SH3GLB2: variants seen among roughly 807,000 people sequenced by gnomAD.
The protein encoded by SH3GLB2 is endophilin-B2.
A neutral mutation model predicts 48.0 loss-of-function variants in SH3GLB2; 24 were observed. The observed-to-expected ratio is 0.50, with a 90% CI of 0.36 to 0.70. The LOEUF (loss-of-function observed/expected upper bound fraction) is 0.70, where lower values mean the gene tolerates loss of function less well. SH3GLB2 is among the 30% of genes least tolerant of loss of function. SH3GLB2 has a pLI of 0.00. For missense variants in SH3GLB2, 425 were observed against 516.0 expected, an observed-to-expected ratio of 0.82 and a Z score of 1.71; for synonymous variants, 227 against 207.6, an observed-to-expected ratio of 1.09 and a Z score of -0.80.
chr9:129,007,047 G>A lies in SH3GLB2; in HGVS notation c.*1637C>T, dbSNP rs1368653263. 5.2e-6 allele frequency: 1 copy of A among 192,134 alleles called. No homozygotes were observed. Among genetic ancestry groups the A allele is most frequent in the African/African-American group, 2.3e-5 (1 of 42,698 alleles). 11.9% of individuals were successfully genotyped at this position (192,134 alleles called of 1,614,324 possible). A position where few individuals can be genotyped will look rare whatever the true frequency, so the allele number is the denominator to read the frequency against. On this transcript the variant is annotated 3_prime_UTR_variant, in exon 11 of 11. Transcript: ENST00000372564. ...TTCCACACTCTGTCTTTGCAGTTTT[G>A]GTAATTCTGTGGTCTATTTATACAG...
intron 1 of SH3GLB2, among the ~76,000 whole-genome samples, chr9:129,027,597 TC>T (rs1160144847): frequency 6.6e-6 from 1 of 152,170 alleles, no homozygotes; most frequent in East Asian, 1.9e-4. Context: ...ACTCCTGGCT[TC>T]CGGCCTGACT....
At chr9:129,013,711 C>T (rs777575701) in intron 5 of SH3GLB2, 14 of 203,964 alleles carry the variant, frequency 6.9e-5, no homozygotes, top group Non-Finnish European at 1.3e-4. Context: ...TAGGCCTGGG[C>T]CTGGGAGTTC....
chr9:129,009,983 G>A, intron 8 of SH3GLB2, 112 bp from the exon 9 acceptor site: 5 of 1,350,874 alleles, frequency 3.7e-6, no homozygotes, highest in Non-Finnish European at 5.2e-6. Flanking sequence ...AGGGTGCCCT[G>A]CCCCTGCGCC....
At chr9:129,020,664 G>A (rs1029645448) in intron 3 of SH3GLB2, among the ~76,000 whole-genome samples, 9 of 151,440 alleles carry the variant, frequency 5.9e-5, no homozygotes, top group South Asian at 2.1e-4. Context: ...TCAGGAGATC[G>A]AGACCATCCT....
intron 6 of SH3GLB2, 149 bp downstream of exon 6, chr9:129,012,087 C>T (rs954105777): frequency 5.1e-5 from 23 of 449,602 alleles, no homozygotes; most frequent in African/African-American, 4.0e-4. Context: ...GCTGCTGCCC[C>T]TCCCCAGTGT....
intron 3 of SH3GLB2, chr9:129,015,623 CG>C (rs1843375245): frequency 6.4e-6 from 1 of 155,444 alleles, no homozygotes; most frequent in African/African-American, 2.4e-5. Context: ...TCAGCACCTA[CG>C]GGGCACTGTC....
intron 5 of SH3GLB2, chr9:129,013,088 G>T (rs1843218908): frequency 3.9e-6 from 6 of 1,535,780 alleles, no homozygotes; most frequent in Non-Finnish European, 5.3e-6. Context: ...CACAGCGCAG[G>T]CAGGAGCAGG....
intron 1 of SH3GLB2, among the ~76,000 whole-genome samples, chr9:129,024,336 C>T (rs1028550461): frequency 7.3e-5 from 11 of 150,142 alleles, no homozygotes; most frequent in Non-Finnish European, 1.3e-4. Flanking sequence ...CCAAGGCAGG[C>T]GGATCACGAG....
intron 1 of SH3GLB2, among the ~76,000 whole-genome samples, chr9:129,023,177 T>C (rs1027664271): frequency 6.6e-6 from 1 of 151,856 alleles, no homozygotes; most frequent in Non-Finnish European, 1.5e-5. Flanking sequence ...GGAAGGGGAA[T>C]GCAGGGAGGG....
In SH3GLB2 at chr9:129,015,691, G is replaced by GA. The variant is rs144780032; in HGVS notation, c.335-788dup. The GA allele has an allele frequency of 2.6e-3, 411 of 160,980 alleles. 8 individuals are homozygous for GA. The East Asian group carries it at 0.041, about 16-fold the overall frequency. The allele number at this position is 160,980 out of a possible 1,614,324, so 10.0% of individuals were successfully genotyped here. On this transcript the variant is annotated intron_variant, in intron 3 of 10. Coordinates refer to ENST00000372564, the MANE Select transcript of SH3GLB2 (RefSeq NM_020145.4). ...CAGAAGAGGAGGAGAAAATAAGGCA[G>GA]AAAAAATATGTGAAGAAACAATAAG...
intron 3 of SH3GLB2, among the ~76,000 whole-genome samples, chr9:129,017,532 G>A (rs1044700064): frequency 6.6e-6 from 1 of 152,076 alleles, no homozygotes; most frequent in African/African-American, 2.4e-5. Context: ...GGGAGGCTAA[G>A]GCAGGCGGAT....
At position 129,009,193 on chromosome 9, in the gene SH3GLB2, G is replaced by A. The variant is rs372769539; in HGVS notation, c.993C>T (p.Ala331=). 1 of 1,611,148 alleles carries A rather than the reference G, an allele frequency of 6.2e-7. No individual in the cohort carries two copies. Among genetic ancestry groups the A allele is most frequent in the South Asian group, 1.1e-5 (1 of 90,748 alleles). The change falls in exon 10 of 11, where the codon GCC becomes GCT. Residue 331 remains alanine (A), a synonymous_variant. Coordinates refer to ENST00000372564, the MANE Select transcript of SH3GLB2 (RefSeq NM_020145.4). ...GEASLCLEEV[A]PPASGTRKAR... is the part of the protein sequence containing the mutation. ...CTTTGCGGGTCCCACTGGCAGGGGGGGCCACCTCTTCCAGGCAGAGCGAGG... is the reference window on the plus strand; with the variant it reads ...CTTTGCGGGTCCCACTGGCAGGGGGAGCCACCTCTTCCAGGCAGAGCGAGG...
Position 129,014,309 on chromosome 9 carries a change from G to C in SH3GLB2, c.561+102C>G, listed in dbSNP as rs553997166. The C allele has an allele frequency of 7.4e-5, 79 of 1,070,834 alleles. No homozygotes were observed. The Admixed American group carries it at 8.2e-4, about 11-fold the overall frequency. The allele number at this position is 1,070,834 out of a possible 1,614,324, so 66.3% of individuals were successfully genotyped here. Reference sequence around the variant, plus strand: ...AGCCAGGCATCTCCAGCCAGGGAGAGGGGAGAGAGGTCATGCCAAATACCA... The same window carrying C: ...AGCCAGGCATCTCCAGCCAGGGAGACGGGAGAGAGGTCATGCCAAATACCA... On this transcript the variant is annotated intron_variant, in intron 5 of 10. Coordinates refer to ENST00000372564, the MANE Select transcript of SH3GLB2 (RefSeq NM_020145.4). The surrounding 1 kb of genome is among the most constrained non-coding windows in gnomAD (Gnocchi z 4.1).
At position 129,014,926 on chromosome 9, in the gene SH3GLB2, G is replaced by A. The variant is rs17508209; in HGVS notation, c.335-22C>T. 27 of 1,609,660 alleles carry A rather than the reference G, an allele frequency of 1.7e-5. No individual in the cohort carries two copies. The highest frequency in any genetic ancestry group is 4.5e-5 in the East Asian group (2 of 44,862). On this transcript the variant is annotated intron_variant, in intron 3 of 10. Transcript: ENST00000372564. The surrounding 1 kb of genome is among the most constrained non-coding windows in gnomAD (Gnocchi z 4.1). ...TTCCCTGAGAAAACAGAGTTGAAGC[G>A]TGAGGAAGAAGGTCAGGCTCAGGCT... is the stretch of plus-strand genomic sequence containing the variant.
At chr9:129,010,635 C>G (rs746073239) in intron 7 of SH3GLB2, 35 bp downstream of exon 7, 13 of 1,612,806 alleles carry the variant, frequency 8.1e-6, no homozygotes, top group Non-Finnish European at 1.1e-5. Flanking sequence ...GCCACCCCTT[C>G]TTCCTCGAGC....
In SH3GLB2 at chr9:129,011,315, C is replaced by G. The variant is rs964683955; in HGVS notation, c.625-622G>C. On this transcript the variant is annotated intron_variant, in intron 6 of 10. Coordinates refer to ENST00000372564, the MANE Select transcript of SH3GLB2 (RefSeq NM_020145.4). The surrounding 1 kb of genome is among the most constrained non-coding windows in gnomAD (Gnocchi z 4.5). The stretch of plus-strand genomic sequence containing the variant: ...AGACAACAGCCTGAAATAGGGAATG[C>G]GGACCCAGGCCAGTGTGCGTGGCCG... 6.6e-6 allele frequency: 1 copy of G among 152,532 alleles called. No individual in the cohort carries two copies. Among genetic ancestry groups the G allele is most frequent in the African/African-American group, 2.4e-5 (1 of 41,556 alleles). The allele number at this position is 152,532 out of a possible 1,614,324, so 9.4% of individuals were successfully genotyped here. A position where few individuals can be genotyped will look rare whatever the true frequency, so the allele number is the denominator to read the frequency against.
At chr9:129,023,634 G>A (rs1843953899) in intron 1 of SH3GLB2, among the ~76,000 whole-genome samples, 1 of 152,286 alleles carries the variant, frequency 6.6e-6, no homozygotes, top group Non-Finnish European at 1.5e-5. Flanking sequence ...CGCAGGAGTC[G>A]GTCAGCCATG....
At chr9:129,021,466 T>C (rs572620803) in intron 2 of SH3GLB2, among the ~76,000 whole-genome samples, 1 of 152,238 alleles carries the variant, frequency 6.6e-6, no homozygotes, top group East Asian at 1.9e-4. Flanking sequence ...GCTTGCACAA[T>C]TCTCTGCTCC....
chr9:129,009,982 T>C (rs1030096951), intron 8 of SH3GLB2, 111 bp from the exon 9 acceptor site: 72 of 1,360,772 alleles, frequency 5.3e-5, no homozygotes, highest in Non-Finnish European at 6.8e-5. Context: ...CAGGGTGCCC[T>C]GCCCCTGCGC....
Sources: allele counts gnomAD v4.1 joint callset (sites outside exome capture counted in the v4.1 genomes callset), GRCh38; gene constraint gnomAD v4.1.1; non-coding constraint Gnocchi (gnomAD v3.1); transcripts MANE v1.5; gene names NCBI Gene and HGNC (gene_info 2026-07-23, HGNC 2026-07-21).